EYA1: variants seen among roughly 807,000 people sequenced by gnomAD.
EYA1 encodes protein phosphatase EYA1.
EYA1 carries 16 observed loss-of-function variants against 82.0 expected under a neutral mutation model. The observed-to-expected ratio is 0.20, with a 90% CI of 0.13 to 0.30. EYA1 has a LOEUF of 0.30. Ranked by LOEUF, EYA1 falls within the 10% of genes least tolerant of loss-of-function variation. The pLI is 1.00. For missense variants in EYA1, 633 were observed against 730.7 expected, an observed-to-expected ratio of 0.87 and a Z score of 1.54; for synonymous variants, 261 against 264.4, an observed-to-expected ratio of 0.99 and a Z score of 0.12.
At chr8:71,495,489 G>A (rs1246737723) in intron 2 of EYA1, among the ~76,000 whole-genome samples, 1 of 152,082 alleles carries the variant, frequency 6.6e-6, no homozygotes, top group Non-Finnish European at 1.5e-5. Context: ...TGGCGTGCCT[G>A]TAATCCCAGC....
intron 2 of EYA1, among the ~76,000 whole-genome samples, chr8:71,448,300 T>C (rs1361752012): frequency 6.6e-6 from 1 of 152,224 alleles, no homozygotes; most frequent in African/African-American, 2.4e-5. Context: ...TCAATAATGT[T>C]CATGGCATCT....
At chr8:71,223,360 T>A (rs1444110899) in intron 12 of EYA1, among the ~76,000 whole-genome samples, 2 of 152,112 alleles carry the variant, frequency 1.3e-5, no homozygotes, top group Non-Finnish European at 2.9e-5. Flanking sequence ...ATACCAAAAT[T>A]GAAATGACCA....
intron 2 of EYA1, among the ~76,000 whole-genome samples, chr8:71,423,850 G>T (rs1326295769): frequency 1.3e-5 from 2 of 152,146 alleles, no homozygotes; most frequent in African/African-American, 4.8e-5. Context: ...GCCAGAAAAT[G>T]TATAGGCAAG....
chr8:71,460,447 T>C (rs1214863823), intron 2 of EYA1, among the ~76,000 whole-genome samples: 1 of 152,124 alleles, frequency 6.6e-6, no homozygotes, highest in Non-Finnish European at 1.5e-5. Flanking sequence ...GTGGGGAGAA[T>C]ATGAAGGCAA....
chr8:71,279,922 A>T (rs987348963), intron 9 of EYA1, among the ~76,000 whole-genome samples: 5 of 152,280 alleles, frequency 3.3e-5, no homozygotes, highest in African/African-American at 1.2e-4. Flanking sequence ...TCATACAGTA[A>T]ATATTTTAGG....
chr8:71,274,174 C>A (rs549807581), intron 9 of EYA1, among the ~76,000 whole-genome samples: 20 of 152,140 alleles, frequency 1.3e-4, no homozygotes, highest in South Asian at 6.2e-4. Context: ...GGGAAAAAAA[C>A]CCCTAAAAGA....
intron 2 of EYA1, among the ~76,000 whole-genome samples, chr8:71,527,617 A>G (rs1813917418): frequency 6.6e-6 from 1 of 152,160 alleles, no homozygotes; most frequent in Non-Finnish European, 1.5e-5. Context: ...ACAGATAGTA[A>G]AATCCTTGGA....
intron 9 of EYA1, among the ~76,000 whole-genome samples, chr8:71,275,334 TAGG>T (rs1306553415): frequency 6.6e-6 from 1 of 152,114 alleles, no homozygotes; most frequent in Non-Finnish European, 1.5e-5. Context: ...GTACGGGACT[TAGG>T]AGGAAGAAGG....
chr8:71,398,110 T>C (rs1388502262), intron 2 of EYA1, among the ~76,000 whole-genome samples: 1 of 152,208 alleles, frequency 6.6e-6, no homozygotes, highest in Non-Finnish European at 1.5e-5. Context: ...ATGTGTCACG[T>C]AGTTCTTGTG....
chr8:71,377,961 C>G (rs1828470433), intron 2 of EYA1, among the ~76,000 whole-genome samples: 1 of 152,038 alleles, frequency 6.6e-6, no homozygotes, highest in Non-Finnish European at 1.5e-5. Flanking sequence ...TTTTATTCTT[C>G]CATCTTGGTC....
Position 71,321,751 on chromosome 8 carries a change from T to C in EYA1, c.401A>G (p.Tyr134Cys). Residue 134 changes from tyrosine (Y) to cysteine (C), a missense_variant, in exon 6 of 18, where the codon TAC (tyrosine) becomes TGC (cysteine). By Grantham distance (194) the Tyr-to-Cys change is radical. Coordinates refer to ENST00000340726, the MANE Select transcript of EYA1 (RefSeq NM_000503.6). ...YATYPQPGQP[Y>C]GISSYGALWA... The stretch of plus-strand genomic sequence containing the variant: ...TTACTCACCATATGAGGAAATGCCG[T>C]ACGGCTGTCCTGGCTGTGGGTACGT... 1 of 1,614,174 alleles carries C rather than the reference T, an allele frequency of 6.2e-7. No homozygotes were observed. The highest frequency in any genetic ancestry group is 1.1e-5 in the South Asian group (1 of 91,080).
At chr8:71,241,074 G>A (rs775058428) in intron 12 of EYA1, among the ~76,000 whole-genome samples, 111 of 152,240 alleles carry the variant, frequency 7.3e-4, no homozygotes, top group South Asian at 4.2e-4. Context: ...AAAGCCAGAC[G>A]TACACTACGG....
intron 3 of EYA1, among the ~76,000 whole-genome samples, chr8:71,351,161 T>TA (rs1431792419): frequency 2.0e-5 from 3 of 152,200 alleles, no homozygotes; most frequent in Admixed American, 1.3e-4. Flanking sequence ...CATCTGGTTT[T>TA]ACGTCACCTA....
At chr8:71,341,987 G>C (rs992225814) in intron 3 of EYA1, among the ~76,000 whole-genome samples, 1 of 152,054 alleles carries the variant, frequency 6.6e-6, no homozygotes, top group Non-Finnish European at 1.5e-5. Flanking sequence ...GGTAAATCAC[G>C]ACTGCTCCTT....
intron 12 of EYA1, among the ~76,000 whole-genome samples, chr8:71,222,433 A>G (rs1386594137): frequency 6.6e-6 from 1 of 152,220 alleles, no homozygotes; most frequent in Non-Finnish European, 1.5e-5. Flanking sequence ...TCCCAGTCAG[A>G]GGTTGGTCTC....
chr8:71,266,878 G>T (rs1815894424), intron 11 of EYA1, among the ~76,000 whole-genome samples: 1 of 152,090 alleles, frequency 6.6e-6, no homozygotes, highest in African/African-American at 2.4e-5. Flanking sequence ...CAGTTGCCCA[G>T]GACAACACAG....
intron 12 of EYA1, among the ~76,000 whole-genome samples, chr8:71,228,117 A>G (rs910114120): frequency 2.0e-5 from 3 of 152,200 alleles, no homozygotes; most frequent in Non-Finnish European, 4.4e-5. Flanking sequence ...CTTTTTAAAA[A>G]GCAGTTCCCT....
At chr8:71,269,436 C>A (rs1816248209) in intron 11 of EYA1, among the ~76,000 whole-genome samples, 1 of 152,148 alleles carries the variant, frequency 6.6e-6, no homozygotes, top group Non-Finnish European at 1.5e-5. Flanking sequence ...AAACATCTTT[C>A]TATGTCACTT....
At chr8:71,331,277 CACACACACAT>C (rs1488454261) in intron 4 of EYA1, among the ~76,000 whole-genome samples, 2 of 123,312 alleles carry the variant, frequency 1.6e-5, no homozygotes, top group African/African-American at 5.5e-5. Context: ...CACACACACA[CACACACACAT>C]ATATATACAT....
Sources: allele counts gnomAD v4.1 joint callset (sites outside exome capture counted in the v4.1 genomes callset), GRCh38; gene constraint gnomAD v4.1.1; transcripts MANE v1.5; gene names NCBI Gene and HGNC (gene_info 2026-07-23, HGNC 2026-07-21).